The following TOX2 variants were observed in gnomAD, a reference collection of about 807,000 sequenced individuals.
The protein encoded by TOX2 is granulosa cell HMG box 1.
TOX2 carries 15 observed loss-of-function variants against 47.4 expected under a neutral mutation model. That is an observed-to-expected ratio of 0.32 (90% CI 0.21 to 0.49). TOX2 has a LOEUF of 0.49. Among genes scored for constraint, TOX2 ranks in the 20% least tolerant of loss-of-function variants. The probability of loss-of-function intolerance (pLI) is 0.99; values close to 1 mark genes in which losing one functional copy is unlikely to be tolerated. For missense variants in TOX2, 622 were observed against 673.1 expected (o/e 0.92, Z 0.84); for synonymous variants, 290 against 296.6 (o/e 0.98, Z 0.23).
In TOX2 at chr20:43,916,482, C is replaced by G. The variant is rs1233738320; in HGVS notation, c.99+1492C>G. ...GGCGGTGGTGGGCGACAAGTGAGGT[C>G]TCGCGAAGAGTGGCGGTGGTTCTCT... On this transcript the variant is annotated intron_variant, in intron 1 of 8. Coordinates refer to ENST00000341197, the MANE Select transcript of TOX2 (RefSeq NM_001098797.2). This position sits in a 1 kb window ranked among gnomAD's most constrained non-coding sequence, Gnocchi z 5.0. 6.6e-6 allele frequency among the ~76,000 whole-genome samples: 1 copy of G among 152,176 alleles called. No homozygotes were observed. The highest frequency in any genetic ancestry group is 2.4e-5 in the African/African-American group (1 of 41,450).
chr20:44,052,509 G>A (rs921799588), intron 4 of TOX2, among the ~76,000 whole-genome samples: 1 of 152,070 alleles, frequency 6.6e-6, no homozygotes, highest in Admixed American at 6.5e-5. Context: ...CTGGACTTTG[G>A]GGGAAGAGGG....
In TOX2 at chr20:43,951,705, A is replaced by ATTTTTTTTTTTTT. The variant is rs1212223106; in HGVS notation, c.100-21661_100-21660insTTTTTTTTTTTTT. ...AATGACCATTACTATTAAACTTATT[A>ATTTTTTTTTTTTT]TGTTTTTTTTTTTTTTTTTTTTTAG... On this transcript the variant is annotated intron_variant, in intron 1 of 8. Coordinates refer to ENST00000341197, the MANE Select transcript of TOX2 (RefSeq NM_001098797.2). 9.9e-5 allele frequency among the ~76,000 whole-genome samples: 3 copies of ATTTTTTTTTTTTT among 30,390 alleles called. 1 individual carries two copies. The highest frequency in any genetic ancestry group is 2.0e-4 in the Non-Finnish European group (3 of 14,786). 19.9% of individuals were successfully genotyped at this position (30,390 alleles called of 152,430 possible). A position where few individuals can be genotyped will look rare whatever the true frequency, so the allele number is the denominator to read the frequency against.
intron 2 of TOX2, among the ~76,000 whole-genome samples, chr20:44,005,524 G>A (rs1410619917): frequency 5.3e-5 from 8 of 152,184 alleles, no homozygotes; most frequent in African/African-American, 1.7e-4. Context: ...TGATACAAAA[G>A]TCCTAAACAA....
At chr20:43,922,925 A>G (rs950755203) in intron 1 of TOX2, among the ~76,000 whole-genome samples, 2 of 152,182 alleles carry the variant, frequency 1.3e-5, no homozygotes, top group African/African-American at 4.8e-5. Flanking sequence ...GTGAATGGCT[A>G]TGTGGATTTG....
intron 3 of TOX2, among the ~76,000 whole-genome samples, chr20:44,017,104 G>A (rs2070892718): frequency 6.6e-6 from 1 of 152,342 alleles, no homozygotes; most frequent in South Asian, 2.1e-4. Flanking sequence ...CAAAGGGCCT[G>A]GTTAGCAGGT....
chr20:44,040,941 C>T (rs560996032), intron 3 of TOX2, among the ~76,000 whole-genome samples: 2 of 152,148 alleles, frequency 1.3e-5, no homozygotes, highest in Non-Finnish European at 2.9e-5. Flanking sequence ...GAGATGCAGC[C>T]GACAGACAGG....
intron 1 of TOX2, among the ~76,000 whole-genome samples, chr20:43,932,783 C>CCCACCG (rs11283632): frequency 6.7e-6 from 1 of 148,974 alleles, no homozygotes; most frequent in Non-Finnish European, 1.5e-5. Flanking sequence ...TGCCCCCCCC[C>CCCACCG]GCCATTTCTG....
At chr20:44,031,385 C>T (rs775424950) in intron 3 of TOX2, among the ~76,000 whole-genome samples, 5 of 152,288 alleles carry the variant, frequency 3.3e-5, no homozygotes, top group South Asian at 2.1e-4. Flanking sequence ...CACAGGAGCA[C>T]GCTGCATTTG....
At chr20:43,974,756 G>T (rs180850900) in intron 2 of TOX2, among the ~76,000 whole-genome samples, 1 of 152,394 alleles carries the variant, frequency 6.6e-6, no homozygotes, top group Admixed American at 6.5e-5. Context: ...GCCCTAGGGG[G>T]CACTACTAGT....
intron 2 of TOX2, among the ~76,000 whole-genome samples, chr20:44,003,426 C>A (rs759954982): frequency 6.6e-6 from 1 of 151,964 alleles, no homozygotes. Context: ...TGGGCTCAAG[C>A]GATCCTCCCG....
intron 3 of TOX2, among the ~76,000 whole-genome samples, chr20:44,017,932 C>T (rs532565920): frequency 5.9e-5 from 9 of 152,294 alleles, no homozygotes; most frequent in South Asian, 2.1e-4. Context: ...AGGCAGTGAG[C>T]GGGACAAGAT....
intron 3 of TOX2, chr20:44,007,148 T>G (rs996747401): frequency 1.2e-5 from 3 of 254,374 alleles, no homozygotes; most frequent in African/African-American, 4.4e-5. Context: ...TTCACCCATT[T>G]AAAGTATACT....
intron 3 of TOX2, among the ~76,000 whole-genome samples, chr20:44,026,248 T>TATATATATATATATATATATATATATAC (rs750976068): frequency 4.4e-5 from 3 of 67,726 alleles, no homozygotes; most frequent in African/African-American, 2.2e-4. Context: ...TATATATATA[T>TATATATATATATATATATATATATATAC]AGACACACAC....
Position 44,006,549 on chromosome 20 carries a change from C to G in TOX2, c.168C>G (p.Thr56=). ...GNPELLSTSQ[T]YNGQSENNED... is the part of the protein sequence containing the mutation. ...GACATGTCTTTTTGATGTTTTAGAC[C>G]TACAACGGCCAGAGCGAGAACAACG... The change falls in exon 3 of 9, where the codon ACC becomes ACG. Residue 56 remains threonine (T), a splice_region_variant and synonymous_variant. Transcript: ENST00000341197. The G allele has an allele frequency of 6.2e-7, 1 of 1,611,378 alleles. No homozygotes were observed.
chr20:43,944,372 T>G (rs1273757236), intron 1 of TOX2, among the ~76,000 whole-genome samples: 2 of 152,202 alleles, frequency 1.3e-5, no homozygotes, highest in Non-Finnish European at 2.9e-5. Context: ...CAGGTGAGAT[T>G]AGAGGAGCTC....
chr20:43,993,071 G>A (rs889465306), intron 2 of TOX2, among the ~76,000 whole-genome samples: 10 of 152,090 alleles, frequency 6.6e-5, no homozygotes, highest in African/African-American at 9.7e-5. Context: ...AGGAAGGCAC[G>A]TGGCATGTCA....
intron 7 of TOX2, 68 bp from the exon 8 acceptor site, chr20:44,066,662 G>A (rs532155416): frequency 2.2e-5 from 36 of 1,611,526 alleles, no homozygotes; most frequent in South Asian, 2.1e-4. Context: ...CTCTCACCCC[G>A]GGAGGCCTGG....
chr20:44,068,597 C>T (rs1185174088), intron 8 of TOX2, 53 bp from the exon 9 acceptor site: 1 of 1,580,308 alleles, frequency 6.3e-7, no homozygotes, highest in Non-Finnish European at 8.6e-7. Flanking sequence ...CTGGTGCTCC[C>T]CTGGCCCGGA....
intron 4 of TOX2, among the ~76,000 whole-genome samples, chr20:44,052,512 G>A (rs1400366558): frequency 1.3e-5 from 2 of 152,220 alleles, no homozygotes; most frequent in African/African-American, 2.4e-5. Context: ...GACTTTGGGG[G>A]AAGAGGGGTT....
Sources: gnomAD v4.1 joint callset for allele counts (sites outside exome capture counted in the v4.1 genomes callset) on GRCh38, gnomAD v4.1.1 for gene constraint, Gnocchi (gnomAD v3.1) non-coding constraint, MANE v1.5 for transcripts, NCBI Gene and HGNC (gene_info 2026-07-23, HGNC 2026-07-21) for gene names.